WDR41: variants seen among roughly 807,000 people sequenced by gnomAD.
The protein encoded by WDR41 is WD repeat-containing protein 41.
In WDR41, 63 loss-of-function variants were observed where a neutral mutation model predicts 69.3. That is an observed-to-expected ratio of 0.91 (90% confidence interval 0.74 to 1.12). WDR41 has a LOEUF of 1.12. Among genes scored for constraint, WDR41 ranks in the 50% most tolerant of loss-of-function variants. The pLI is 0.00. For missense variants in WDR41, 543 were observed against 534.5 expected (o/e 1.02, Z -0.16); for synonymous variants, 185 against 192.1 (o/e 0.96, Z 0.31).
intron 1 of WDR41, among the ~76,000 whole-genome samples, chr5:77,562,163 T>G (rs1242341025): frequency 6.6e-6 from 1 of 152,156 alleles, no homozygotes; most frequent in Non-Finnish European, 1.5e-5. Flanking sequence ...TTTGATTTAG[T>G]GCCGATCTGC....
chr5:77,605,299 CCTT>C (rs1744395418), intron 1 of WDR41, among the ~76,000 whole-genome samples: 1 of 152,198 alleles, frequency 6.6e-6, no homozygotes, highest in Admixed American at 6.5e-5. Flanking sequence ...TCACCACTGA[CCTT>C]CTCCCTACCA....
intron 1 of WDR41, among the ~76,000 whole-genome samples, chr5:77,584,073 A>G (rs1273286553): frequency 1.3e-5 from 2 of 152,200 alleles, no homozygotes; most frequent in African/African-American, 4.8e-5. Context: ...CAGACTAGGA[A>G]TAGAGAAGAA....
chr5:77,556,385 G>T (rs1244955978), intron 1 of WDR41, among the ~76,000 whole-genome samples: 1 of 152,010 alleles, frequency 6.6e-6, no homozygotes, highest in East Asian at 1.9e-4. Context: ...GATTACAGGC[G>T]TGAGCCGTTG....
intron 11 of WDR41, among the ~76,000 whole-genome samples, chr5:77,436,969 A>G (rs896723642): frequency 6.6e-6 from 1 of 152,222 alleles, no homozygotes; most frequent in African/African-American, 2.4e-5. Flanking sequence ...ATTAAGTTCA[A>G]CATCAAGGGT....
chr5:77,534,844 T>G (rs1450372628), intron 1 of WDR41, among the ~76,000 whole-genome samples: 1 of 152,168 alleles, frequency 6.6e-6, no homozygotes, highest in Non-Finnish European at 1.5e-5. Context: ...GAGATCAAAG[T>G]CTAAAAACAA....
In WDR41 at chr5:77,566,595, A is replaced by C. The variant is rs183628112; in HGVS notation, c.42+53884T>G. 2.3e-3 allele frequency among the ~76,000 whole-genome samples: 348 copies of C among 152,226 alleles called. 2 individuals are homozygous for C. The highest frequency in any genetic ancestry group is 0.01 in the Admixed American group (156 of 15,274). On this transcript the variant is annotated intron_variant, in intron 1 of 5. Transcript: ENST00000509971. The stretch of plus-strand genomic sequence containing the variant: ...GGCCTTTGCTGCCATTTTTTAAAGA[A>C]AGGGATTTATTTATTCAGTGAGTTT...
intron 2 of WDR41, among the ~76,000 whole-genome samples, 186 bp downstream of exon 2, chr5:77,489,271 C>G (rs1437070386): frequency 6.6e-6 from 1 of 151,856 alleles, no homozygotes; most frequent in Non-Finnish European, 1.5e-5. Flanking sequence ...TGACTTTGGG[C>G]AAAAAAGACT....
At chr5:77,514,343 C>A (rs1186985923) in intron 1 of WDR41, among the ~76,000 whole-genome samples, 1 of 152,172 alleles carries the variant, frequency 6.6e-6, no homozygotes. Flanking sequence ...TAACTTCTTT[C>A]CATTCTTTAA....
At chr5:77,521,112 C>T (rs570576788) in intron 1 of WDR41, among the ~76,000 whole-genome samples, 1 of 152,270 alleles carries the variant, frequency 6.6e-6, no homozygotes, top group Admixed American at 6.5e-5. Flanking sequence ...CCAGCAGTCC[C>T]CAACCTTTTT....
chr5:77,586,109 G>T (rs940830335), intron 1 of WDR41, among the ~76,000 whole-genome samples: 6 of 151,862 alleles, frequency 4.0e-5, no homozygotes, highest in Non-Finnish European at 5.9e-5. Flanking sequence ...TTTTAACCAT[G>T]GCAGTTTAGT....
chr5:77,482,267 A>T (rs1394402030), intron 2 of WDR41, among the ~76,000 whole-genome samples: 1 of 151,900 alleles, frequency 6.6e-6, no homozygotes, highest in Non-Finnish European at 1.5e-5. Flanking sequence ...ATCTCTAAGG[A>T]CTCTTTTACA....
intron 2 of WDR41, among the ~76,000 whole-genome samples, chr5:77,485,245 ACTAT>A (rs1410571476): frequency 6.6e-6 from 1 of 152,172 alleles, no homozygotes; most frequent in Non-Finnish European, 1.5e-5. Flanking sequence ...ATCTATACTG[ACTAT>A]CTGTTTCCCA....
At chr5:77,605,269 G>T (rs576930339) in intron 1 of WDR41, among the ~76,000 whole-genome samples, 1 of 152,130 alleles carries the variant, frequency 6.6e-6, no homozygotes, top group Non-Finnish European at 1.5e-5. Context: ...ACTGTTGTCT[G>T]CCCTAAATTC....
intron 2 of WDR41, among the ~76,000 whole-genome samples, chr5:77,476,660 G>C (rs1198415576): frequency 2.0e-5 from 3 of 151,762 alleles, no homozygotes; most frequent in African/African-American, 7.3e-5. Flanking sequence ...CTCTAAAAGA[G>C]CTCCTGAAGG....
intron 2 of WDR41, among the ~76,000 whole-genome samples, chr5:77,466,480 A>C (rs1157884275): frequency 6.6e-6 from 1 of 151,856 alleles, no homozygotes; most frequent in Non-Finnish European, 1.5e-5. Context: ...GATTCTTTAA[A>C]CTTAAAATTG....
chr5:77,462,851 G>A (rs1053764604), intron 4 of WDR41, among the ~76,000 whole-genome samples: 5 of 152,156 alleles, frequency 3.3e-5, no homozygotes, highest in Non-Finnish European at 7.3e-5. Flanking sequence ...CAACCTGATA[G>A]AGTAACTCTG....
chr5:77,483,428 C>T (rs983580501), intron 2 of WDR41, among the ~76,000 whole-genome samples: 1 of 151,592 alleles, frequency 6.6e-6, no homozygotes, highest in Non-Finnish European at 1.5e-5. Context: ...GCTGAGTCAC[C>T]GTGCCCAGCC....
chr5:77,497,277 T>A (rs763683426), upstream of WDR41, among the ~76,000 whole-genome samples: 1 of 152,028 alleles, frequency 6.6e-6, no homozygotes, highest in Non-Finnish European at 1.5e-5. Flanking sequence ...AGAACTTTCA[T>A]GCGTCAAAGG....
intron 8 of WDR41, among the ~76,000 whole-genome samples, chr5:77,446,073 A>G (rs1033089165): frequency 3.9e-5 from 6 of 152,324 alleles, no homozygotes; most frequent in Admixed American, 6.5e-5. Flanking sequence ...CAACTTCAAT[A>G]AAGTCTCAGG....
Sources: allele counts gnomAD v4.1 joint callset (sites outside exome capture counted in the v4.1 genomes callset), GRCh38; gene constraint gnomAD v4.1.1; transcripts MANE v1.5; gene names NCBI Gene and HGNC (gene_info 2026-07-23, HGNC 2026-07-21).